The following SPMIP11 variants were observed in gnomAD, a reference collection of about 807,000 sequenced individuals.
SPMIP11 encodes the protein long intergenic non-protein coding RNA 935.
chr12:48,749,635 C>CAA, the SPMIP11 span, among the ~76,000 whole-genome samples: 2 of 56,530 alleles, frequency 3.5e-5, no homozygotes, highest in Admixed American at 2.9e-4. Context: ...AACTCGGTGT[C>CAA]AAAAAAAAAA....
At chr12:48,746,691 T>C in the SPMIP11 span, among the ~76,000 whole-genome samples, 1,636 of 150,636 alleles carry the variant, frequency 0.011, 27 homozygotes, top group African/African-American at 0.034. Flanking sequence ...AAGGCCAAGG[T>C]GGGTGGATCA....
chr12:48,762,076 A>T, the SPMIP11 span, among the ~76,000 whole-genome samples: 1 of 93,724 alleles, frequency 1.1e-5, no homozygotes, highest in Admixed American at 1.6e-4. Context: ...TTTTTTTGAG[A>T]CGGAGTCTCT....
the SPMIP11 span, chr12:48,759,174 G>C: frequency 1.4e-6 from 1 of 701,706 alleles, no homozygotes; most frequent in Admixed American, 2.0e-5. Context: ...ATAGTCATTT[G>C]CCAAGTACTC....
chr12:48,743,933 CAAAAAAAAAAA>C, the SPMIP11 span, among the ~76,000 whole-genome samples: 143 of 34,908 alleles, frequency 4.1e-3, 1 homozygote, highest in Middle Eastern at 0.083. Flanking sequence ...GACTTCGTCT[CAAAAAAAAAAA>C]AAAAAAAAAA....
the SPMIP11 span, among the ~76,000 whole-genome samples, chr12:48,750,936 A>T: frequency 6.6e-6 from 1 of 152,212 alleles, no homozygotes; most frequent in Non-Finnish European, 1.5e-5. Flanking sequence ...GGTTCAAATC[A>T]GCCACATTCC....
chr12:48,765,767 C>A, the SPMIP11 span: 3 of 679,958 alleles, frequency 4.4e-6, no homozygotes, highest in Non-Finnish European at 8.0e-6. Context: ...ATGGAGAAAG[C>A]ACAGTAAACA....
the SPMIP11 span, among the ~76,000 whole-genome samples, chr12:48,752,370 C>T: frequency 6.6e-6 from 1 of 152,118 alleles, no homozygotes; most frequent in East Asian, 1.9e-4. Flanking sequence ...TTCATCTAGG[C>T]CCTGAAAGAG....
chr12:48,729,044 T>C, the SPMIP11 span, among the ~76,000 whole-genome samples: 20 of 152,352 alleles, frequency 1.3e-4, no homozygotes, highest in Non-Finnish European at 2.8e-4. Context: ...TAAGTTTGAA[T>C]AACTGTAAAA....
At chr12:48,753,740 C>T in the SPMIP11 span, among the ~76,000 whole-genome samples, 2 of 130,732 alleles carry the variant, frequency 1.5e-5, no homozygotes, top group Non-Finnish European at 3.1e-5. Flanking sequence ...CTCACTCTGT[C>T]GCCCAGGCTG....
the SPMIP11 span, among the ~76,000 whole-genome samples, chr12:48,756,319 T>G: frequency 6.6e-6 from 1 of 152,176 alleles, no homozygotes; most frequent in Non-Finnish European, 1.5e-5. Context: ...ATCAGCCCCA[T>G]GGTTCAGTCC....
the SPMIP11 span, among the ~76,000 whole-genome samples, chr12:48,757,734 C>G: frequency 6.6e-6 from 1 of 151,332 alleles, no homozygotes; most frequent in African/African-American, 2.4e-5. Flanking sequence ...TGGCTCACGC[C>G]TGTAATCCCA....
At chr12:48,753,680 A>AC in the SPMIP11 span, among the ~76,000 whole-genome samples, 1 of 121,954 alleles carries the variant, frequency 8.2e-6, no homozygotes, top group Non-Finnish European at 1.8e-5. Flanking sequence ...GCTTTTCTTT[A>AC]CTTTTTTTTT....
chr12:48,742,275 TTCC>T, the SPMIP11 span, among the ~76,000 whole-genome samples: 11 of 105,956 alleles, frequency 1.0e-4, no homozygotes, highest in Non-Finnish European at 1.9e-4. Context: ...TTCTTTTCTT[TTCC>T]TTTTTTTTTT....
chr12:48,728,332 T>C, the SPMIP11 span, among the ~76,000 whole-genome samples: 4 of 151,590 alleles, frequency 2.6e-5, no homozygotes, highest in East Asian at 1.9e-4. Context: ...AACGGGGGAG[T>C]GGAGGATGGG....
the SPMIP11 span, among the ~76,000 whole-genome samples, chr12:48,762,111 T>C: frequency 1.5e-5 from 2 of 135,906 alleles, no homozygotes; most frequent in Non-Finnish European, 3.0e-5. Context: ...CAGGCTGGAG[T>C]GCAGTGGCGC....
the SPMIP11 span, chr12:48,771,343 TC>T: frequency 1.3e-4 from 65 of 483,830 alleles, no homozygotes; most frequent in African/African-American, 9.3e-4. The surrounding 1 kb of genome is among the most constrained non-coding windows in gnomAD (Gnocchi z 4.3). Context: ...GGACACTACC[TC>T]ACATTTTGCT....
chr12:48,768,720 G>C, the SPMIP11 span: 1 of 1,613,536 alleles, frequency 6.2e-7, no homozygotes, highest in East Asian at 2.2e-5. Context: ...TGGTCACCTG[G>C]GGGAGTGGGA....
At chr12:48,755,027 C>T in the SPMIP11 span, among the ~76,000 whole-genome samples, 1 of 151,960 alleles carries the variant, frequency 6.6e-6, no homozygotes, top group African/African-American at 2.4e-5. Context: ...AATTCTTCAG[C>T]CTGAAAACAT....
the SPMIP11 span, among the ~76,000 whole-genome samples, chr12:48,760,712 A>G: frequency 5.9e-5 from 9 of 151,836 alleles, no homozygotes; most frequent in Non-Finnish European, 1.0e-4. Flanking sequence ...TTTTTAGTAG[A>G]GACAGGGTTT....
Sources: allele counts gnomAD v4.1 joint callset (sites outside exome capture counted in the v4.1 genomes callset), GRCh38; gene constraint gnomAD v4.1.1; non-coding constraint Gnocchi (gnomAD v3.1); transcripts MANE v1.5; gene names NCBI Gene and HGNC (gene_info 2026-07-23, HGNC 2026-07-21).